The following USH2A variants were observed in gnomAD, a reference collection of about 807,000 sequenced individuals.
USH2A encodes the protein Usher syndrome 2A (autosomal recessive, mild).
Under a neutral mutation model 538.9 loss-of-function variants are expected in USH2A, and 443 were observed. The observed-to-expected ratio is 0.82, with a 90% CI of 0.76 to 0.89. The LOEUF (loss-of-function observed/expected upper bound fraction) is 0.89, where lower values mean the gene tolerates loss of function less well. Among genes scored for constraint, USH2A ranks in the 40% least tolerant of loss-of-function variants. USH2A has a pLI of 0.00. For missense variants in USH2A, 6,633 were observed against 6,324.8 expected (o/e 1.05, Z -1.65); for synonymous variants, 2,413 against 2,273.5 (o/e 1.06, Z -1.75).
At chr1:215,934,498 C>A in intron 38 of USH2A, 118 bp downstream of exon 38, 10 of 1,022,700 alleles carry the variant, frequency 9.8e-6, no homozygotes, top group Non-Finnish European at 1.4e-5. Context: ...ACCAGAAATA[C>A]AATTGAGCCT....
intron 32 of USH2A, among the ~76,000 whole-genome samples, chr1:216,028,589 A>G (rs1054993253): frequency 5.3e-5 from 8 of 152,188 alleles, no homozygotes; most frequent in African/African-American, 1.9e-4. Context: ...ATTGACTACA[A>G]GTTTTAAAAA....
chr1:216,422,594 G>A, intron 1 of USH2A, 54 bp from the exon 2 acceptor site: 1 of 466,604 alleles, frequency 2.1e-6, no homozygotes, highest in South Asian at 2.2e-5. Context: ...CTTTAAAACT[G>A]AAGCTCATCC....
intron 30 of USH2A, among the ~76,000 whole-genome samples, chr1:216,061,975 A>G (rs1424067875): frequency 6.6e-6 from 1 of 152,220 alleles, no homozygotes; most frequent in Non-Finnish European, 1.5e-5. Context: ...CAGCAACTGG[A>G]TGCCCAGTAA....
intron 38 of USH2A, among the ~76,000 whole-genome samples, chr1:215,931,484 T>A (rs1190142725): frequency 6.6e-6 from 1 of 151,932 alleles, no homozygotes; most frequent in Non-Finnish European, 1.5e-5. Context: ...TTGAGAATAT[T>A]TCTCACCTCC....
chr1:215,952,225 T>C (rs1033359447), intron 37 of USH2A, among the ~76,000 whole-genome samples: 1 of 152,210 alleles, frequency 6.6e-6, no homozygotes, highest in Admixed American at 6.5e-5. Flanking sequence ...TAGTTTTCCA[T>C]TTGCTTGGTA....
intron 37 of USH2A, among the ~76,000 whole-genome samples, chr1:215,936,595 C>A (rs1246742583): frequency 2.6e-5 from 4 of 152,030 alleles, no homozygotes; most frequent in Admixed American, 1.3e-4. Context: ...TGCTCATAAA[C>A]AACAGCTAGG....
Position 216,325,586 on chromosome 1 carries a change from C to T in USH2A, c.862G>A (p.Val288Ile), listed in dbSNP as rs1489539250. Residue 288 changes from valine (V) to isoleucine (I), a missense_variant, in exon 6 of 72, where the codon GTC becomes ATC. Physicochemically the swap from Val to Ile is conservative, Grantham distance 29. Coordinates refer to ENST00000307340, the MANE Select transcript of USH2A (RefSeq NM_206933.4). ...VALTNREILE[V>I]FSGDLLRLHA... ...AATCTGAGAAGATCTCCAGAGAAGA[C>T]TTCCAGAATCTCTCTGTGGGAGTCA... 3 of 1,613,074 alleles carry T rather than the reference C, an allele frequency of 1.9e-6. No individual in the cohort carries two copies. Among genetic ancestry groups the T allele is most frequent in the Non-Finnish European group, 2.5e-6 (3 of 1,179,518 alleles).
At chr1:215,680,499 G>T in intron 61 of USH2A, 123 bp from the exon 62 acceptor site, 1 of 861,692 alleles carries the variant, frequency 1.2e-6, no homozygotes, top group Non-Finnish European at 1.9e-6. Context: ...AAACACTACA[G>T]CAGAGTTTTG....
At chr1:216,231,100 C>G (rs985354378) in intron 14 of USH2A, among the ~76,000 whole-genome samples, 2 of 149,336 alleles carry the variant, frequency 1.3e-5, no homozygotes, top group African/African-American at 4.9e-5. Flanking sequence ...TCACAGAATA[C>G]AAAGCTATGT....
intron 71 of USH2A, among the ~76,000 whole-genome samples, chr1:215,627,683 G>A (rs1404757119): frequency 1.3e-5 from 2 of 151,848 alleles, no homozygotes; most frequent in Non-Finnish European, 2.9e-5. Context: ...GCACCACCGC[G>A]CCCAGCTAAT....
chr1:215,684,631 CTCTTGTGTTCA>C (rs959176844), intron 61 of USH2A, among the ~76,000 whole-genome samples: 1 of 152,172 alleles, frequency 6.6e-6, no homozygotes, highest in African/African-American at 2.4e-5. Context: ...TGTATAGGCA[CTCTTGTGTTCA>C]TCAACAGAGT....
chr1:216,268,149 C>T (rs2036510477), intron 11 of USH2A, among the ~76,000 whole-genome samples: 1 of 152,024 alleles, frequency 6.6e-6, no homozygotes. Flanking sequence ...TGGCTGCAGT[C>T]CTGCCTGCTT....
Position 216,078,145 on chromosome 1 carries a change from A to T in USH2A, c.5516T>A (p.Val1839Glu), listed in dbSNP as rs886039867. ...QPLVVNSPVYVGGIPQELLNS... is the reference protein window; with the variant it reads ...QPLVVNSPVYEGGIPQELLNS... ...CAGCAGTTCCTGTGGGATTCCTCCC[A>T]CATAAACTGGTGAATTCACCACCAG... Residue 1839 changes from valine (V) to glutamate (E), a missense_variant, in exon 27 of 72, where the codon GTG (valine) becomes GAG (glutamate). Physicochemically the swap from Val to Glu is moderately radical, Grantham distance 121. Transcript: ENST00000307340. 1.9e-6 allele frequency: 3 copies of T among 1,613,642 alleles called. No homozygotes were observed. The highest frequency in any genetic ancestry group is 2.5e-6 in the Non-Finnish European group (3 of 1,179,806).
At chr1:216,051,213 C>T (rs1210021500) in intron 30 of USH2A, among the ~76,000 whole-genome samples, 1 of 152,186 alleles carries the variant, frequency 6.6e-6, no homozygotes, top group East Asian at 1.9e-4. Flanking sequence ...GACTTCACAT[C>T]TCTCCCAAGC....
At chr1:216,213,175 A>G (rs1271839649) in intron 15 of USH2A, among the ~76,000 whole-genome samples, 1 of 152,064 alleles carries the variant, frequency 6.6e-6, no homozygotes, top group Non-Finnish European at 1.5e-5. Context: ...AAACACAACT[A>G]ATTTTGTGTG....
At chr1:216,308,993 T>C (rs181020129) in intron 9 of USH2A, among the ~76,000 whole-genome samples, 246 of 152,304 alleles carry the variant, frequency 1.6e-3, no homozygotes, top group Non-Finnish European at 2.8e-3. Flanking sequence ...CTAGAAAATA[T>C]TTACCAATCT....
At chr1:216,192,607 C>A (rs796219448) in intron 19 of USH2A, among the ~76,000 whole-genome samples, 1 of 151,998 alleles carries the variant, frequency 6.6e-6, no homozygotes, top group African/African-American at 2.4e-5. Flanking sequence ...AAGGCTGAAG[C>A]ACAAGAATTG....
chr1:215,837,287 A>C (rs1474873548), intron 47 of USH2A, among the ~76,000 whole-genome samples: 1 of 152,044 alleles, frequency 6.6e-6, no homozygotes, highest in Non-Finnish European at 1.5e-5. Flanking sequence ...TTGTTTGCAC[A>C]TGTAAGAGAA....
intron 37 of USH2A, among the ~76,000 whole-genome samples, chr1:215,955,645 TAAAG>T (rs201063569): frequency 0.012 from 1,815 of 152,232 alleles, 25 homozygotes; most frequent in African/African-American, 0.042. Flanking sequence ...GATTTATAAA[TAAAG>T]AATCCAAATT....
Sources: gnomAD v4.1 joint callset for allele counts (sites outside exome capture counted in the v4.1 genomes callset) on GRCh38, gnomAD v4.1.1 for gene constraint, MANE v1.5 for transcripts, NCBI Gene and HGNC (gene_info 2026-07-23, HGNC 2026-07-21) for gene names.